OAS2: variants seen among roughly 807,000 people sequenced by gnomAD.
The protein encoded by OAS2 is 2'-5'-oligoadenylate synthetase 2, also known as 2'-5'-oligoadenylate synthase 2.
A neutral mutation model predicts 71.3 loss-of-function variants in OAS2; 67 were observed. That is an observed-to-expected ratio of 0.94 (90% confidence interval 0.77 to 1.15). The LOEUF is 1.15. Ranked by LOEUF, OAS2 falls within the 50% of genes most tolerant of loss-of-function variation. The probability of loss-of-function intolerance (pLI) is 0.00; values close to 1 mark genes in which losing one functional copy is unlikely to be tolerated. For synonymous variants in OAS2, 327 were observed against 321.8 expected (o/e 1.02, Z -0.17); for missense variants, 789 against 822.5 (o/e 0.96, Z 0.50).
At chr12:112,982,351 G>A (rs1240262321) in intron 1 of OAS2, among the ~76,000 whole-genome samples, 1 of 152,098 alleles carries the variant, frequency 6.6e-6, no homozygotes, top group African/African-American at 2.4e-5. Context: ...TTCCTTACAT[G>A]CCTAATTTGT....
At chr12:112,990,532 C>A (rs778264381) in intron 2 of OAS2, among the ~76,000 whole-genome samples, 1 of 152,148 alleles carries the variant, frequency 6.6e-6, no homozygotes, top group Non-Finnish European at 1.5e-5. Context: ...CCTTATCAGA[C>A]CTTAAAGATG....
chr12:112,988,316 T>G, intron 2 of OAS2: 1 of 755,084 alleles, frequency 1.3e-6, no homozygotes. Context: ...TGAGCCAGAG[T>G]AGGTTCAGAG....
At chr12:113,001,887 A>AAAT (rs56814612) in intron 5 of OAS2, among the ~76,000 whole-genome samples, 1,739 of 110,542 alleles carry the variant, frequency 0.016, 150 homozygotes, top group African/African-American at 0.037. Flanking sequence ...AAAAAAAAAA[A>AAAT]AGCTAGGCGT....
chr12:112,996,647 T>C (rs914474811), intron 3 of OAS2, among the ~76,000 whole-genome samples: 1 of 151,946 alleles, frequency 6.6e-6, no homozygotes, highest in African/African-American at 2.4e-5. Context: ...AACTCCCCGA[T>C]GGCTTACAGG....
intron 1 of OAS2, among the ~76,000 whole-genome samples, chr12:112,980,745 T>C (rs1355022742): frequency 1.3e-5 from 2 of 152,170 alleles, no homozygotes; most frequent in African/African-American, 4.8e-5. Context: ...AGTAGTGGGA[T>C]TGCTGGATTG....
At chr12:112,997,077 A>G (rs1476585368) in intron 3 of OAS2, among the ~76,000 whole-genome samples, 1 of 152,198 alleles carries the variant, frequency 6.6e-6, no homozygotes, top group African/African-American at 2.4e-5. Context: ...TATAGGGAAC[A>G]AAACATCTTT....
intron 8 of OAS2, among the ~76,000 whole-genome samples, chr12:113,007,179 C>T (rs1313949488): frequency 6.6e-6 from 1 of 152,218 alleles, no homozygotes; most frequent in African/African-American, 2.4e-5. Flanking sequence ...TGACAGTAAA[C>T]ATCAAGCACG....
At chr12:112,999,009 G>C (rs1331806423) in intron 5 of OAS2, among the ~76,000 whole-genome samples, 1 of 152,170 alleles carries the variant, frequency 6.6e-6, no homozygotes. Flanking sequence ...AAGAGAAAGG[G>C]GGGTACCCAA....
intron 1 of OAS2, among the ~76,000 whole-genome samples, chr12:112,979,963 A>G (rs1360886423): frequency 6.6e-6 from 1 of 152,130 alleles, no homozygotes; most frequent in Non-Finnish European, 1.5e-5. Context: ...GGTGAACCCT[A>G]CATAAATGGC....
chr12:112,983,435 G>C (rs1775898391), intron 1 of OAS2, among the ~76,000 whole-genome samples: 1 of 152,118 alleles, frequency 6.6e-6, no homozygotes, highest in Non-Finnish European at 1.5e-5. Flanking sequence ...ATGTTGGTCA[G>C]GCTGGTCTCA....
At position 113,006,594 on chromosome 12, in the gene OAS2, C is replaced by T. The variant is rs1323788683; in HGVS notation, c.1650C>T (p.Tyr550=). The T allele has an allele frequency of 2.5e-6, 4 of 1,602,456 alleles. No homozygotes were observed. The highest frequency in any genetic ancestry group is 1.7e-5 in the Admixed American group (1 of 59,608). ...KDLIRLVKHW[Y]KECERKLKPK... Reference sequence around the variant, plus strand: ...TAATTCGCCTGGTGAAGCACTGGTACAAAGAGGTAAGGACAGTCTTTGTTC... The same window carrying T: ...TAATTCGCCTGGTGAAGCACTGGTATAAAGAGGTAAGGACAGTCTTTGTTC... The change falls in exon 8 of 10, where the codon TAC becomes TAT. Residue 550 remains tyrosine (Y), a synonymous_variant. Transcript: ENST00000392583.
At chr12:112,990,013 C>T (rs1389833070) in intron 2 of OAS2, among the ~76,000 whole-genome samples, 1 of 152,180 alleles carries the variant, frequency 6.6e-6, no homozygotes, top group Non-Finnish European at 1.5e-5. Flanking sequence ...GCAATGGCTT[C>T]CTAATTGTCT....
rs765719615 is a variant in OAS2, at chr12:113,002,962, C to T, written c.1039C>T (p.Leu347Phe). 6.8e-6 allele frequency: 11 copies of T among 1,614,096 alleles called. No homozygotes were observed. In the South Asian group the frequency reaches 1.1e-4, roughly 16 times the overall value. Residue 347 changes from leucine (L) to phenylalanine (F), a missense_variant, in exon 6 of 10, where the codon CTT (leucine) becomes TTT (phenylalanine). Transcript: ENST00000392583. ...ACCACTCTTCACGACCCCAGGCCAC[C>T]TTCTGGATAAGTTCATCAAGGAGTT... ...PAPLFTTPGH[L>F]LDKFIKEFLQ...
At chr12:112,981,578 G>A (rs895375010) in intron 1 of OAS2, among the ~76,000 whole-genome samples, 2 of 152,014 alleles carry the variant, frequency 1.3e-5, no homozygotes, top group Non-Finnish European at 2.9e-5. Context: ...CTATATGTCT[G>A]TTTTTATACC....
At chr12:112,983,871 C>T (rs1183784424) in intron 1 of OAS2, among the ~76,000 whole-genome samples, 1 of 152,142 alleles carries the variant, frequency 6.6e-6, no homozygotes, top group Admixed American at 6.5e-5. Context: ...GTTTTGTGAC[C>T]TACCATAGGG....
At chr12:113,000,658 GCACTCA>G (rs1207734442) in intron 5 of OAS2, among the ~76,000 whole-genome samples, 6 of 147,786 alleles carry the variant, frequency 4.1e-5, no homozygotes, top group African/African-American at 1.3e-4. Context: ...GCACACACAT[GCACTCA>G]CACACATGCA....
At chr12:113,005,927 A>C (rs1034736) in intron 7 of OAS2, among the ~76,000 whole-genome samples, 2,111 of 54,864 alleles carry the variant, frequency 0.038, 43 homozygotes, top group Non-Finnish European at 0.063. Flanking sequence ...ACAAAAAAAA[A>C]AAAAAAAAAA....
intron 2 of OAS2, chr12:112,988,092 G>A: frequency 1.0e-6 from 1 of 985,386 alleles, no homozygotes; most frequent in Non-Finnish European, 1.2e-6. Context: ...AATTATAATT[G>A]CAGAATATTT....
chr12:112,991,413 G>A lies in OAS2; in HGVS notation c.449-3883G>A, dbSNP rs534819963. ...ATGCGCACCCGTAACACAGCCTCAG[G>A]AAGTCCTGATGACATGTGCCCAAGG... is the stretch of plus-strand genomic sequence containing the variant. On this transcript the variant is annotated intron_variant, in intron 2 of 9. Transcript: ENST00000392583. Among the ~76,000 whole-genome samples the A allele has an allele frequency of 1.8e-4, 27 of 152,374 alleles. 1 individual carries two copies. In the South Asian group the frequency reaches 5.4e-3, roughly 30 times the overall value.
Sources: allele counts gnomAD v4.1 joint callset (sites outside exome capture counted in the v4.1 genomes callset), GRCh38; gene constraint gnomAD v4.1.1; transcripts MANE v1.5; gene names NCBI Gene and HGNC (gene_info 2026-07-23, HGNC 2026-07-21).